PCDHGA5: variants seen among roughly 807,000 people sequenced by gnomAD.
PCDHGA5 encodes the protein protocadherin gamma subfamily A, 5.
PCDHGA5 carries 36 observed loss-of-function variants against 56.7 expected under a neutral mutation model. The observed-to-expected ratio is 0.64, with a 90% CI of 0.49 to 0.84. The LOEUF is 0.84. PCDHGA5 is among the 40% of genes least tolerant of loss of function. PCDHGA5 has a pLI of 0.00. For synonymous variants in PCDHGA5, 563 were observed against 520.2 expected (o/e 1.08, Z -1.12); for missense variants, 1,305 against 1,201.5 (o/e 1.09, Z -1.27).
At chr5:141,466,450 G>T (rs139024933) in intron 1 of PCDHGA5, among the ~76,000 whole-genome samples, 1 of 152,172 alleles carries the variant, frequency 6.6e-6, no homozygotes, top group Non-Finnish European at 1.5e-5. Context: ...TGTCTATGGT[G>T]TTGGCTATTG....
At position 141,408,680 on chromosome 5, in the gene PCDHGA5, C is replaced by G. The variant is rs774572788; in HGVS notation, c.2421+41929C>G. 1.5e-4 allele frequency: 245 copies of G among 1,613,812 alleles called. No homozygotes were observed. Among genetic ancestry groups the G allele is most frequent in the Non-Finnish European group, 1.9e-4 (222 of 1,179,872 alleles). On this transcript the variant is annotated intron_variant, in intron 1 of 3. Coordinates refer to ENST00000518069, the MANE Select transcript of PCDHGA5 (RefSeq NM_018918.3). ...ACTATCGCTTGACCCTGCCACGGAT[C>G]CTGATATAAACATAAACTCAATTAA...
rs751318430 is a variant in PCDHGA5 at position 141,485,603 on chromosome 5, G to A, written c.2422-9204G>A. 1 of 1,612,482 alleles carries A rather than the reference G, an allele frequency of 6.2e-7. No homozygotes were observed. The stretch of plus-strand genomic sequence containing the variant: ...GCAGCAGCTGGACTTGGAAATTGGG[G>A]AGGCAGCTCCTCCAGGACAGCGTTT... On this transcript the variant is annotated intron_variant, in intron 1 of 3. Coordinates refer to ENST00000518069, the MANE Select transcript of PCDHGA5 (RefSeq NM_018918.3). This position sits in a 1 kb window ranked among gnomAD's most constrained non-coding sequence, Gnocchi z 5.7.
chr5:141,489,636 C>A lies in PCDHGA5; in HGVS notation c.2422-5171C>A, dbSNP rs753380268. 3.8e-5 allele frequency: 62 copies of A among 1,614,074 alleles called. No individual in the cohort carries two copies. The highest frequency in any genetic ancestry group is 5.1e-5 in the Non-Finnish European group (60 of 1,180,038). ...TGGATCTCAATGACAACTCTCCTAG[C>A]TTTGCCACCCCTGAGCGAGAGATGC... is the stretch of plus-strand genomic sequence containing the variant. On this transcript the variant is annotated intron_variant, in intron 1 of 3. Coordinates refer to ENST00000518069, the MANE Select transcript of PCDHGA5 (RefSeq NM_018918.3). The surrounding 1 kb of genome is among the most constrained non-coding windows in gnomAD (Gnocchi z 4.5).
chr5:141,501,290 T>TACACACAC (rs55762287), intron 2 of PCDHGA5, among the ~76,000 whole-genome samples: 94 of 136,244 alleles, frequency 6.9e-4, no homozygotes, highest in Admixed American at 2.2e-3. Context: ...TATTCCCTTA[T>TACACACAC]ACACACACAC....
At chr5:141,371,417 T>C in intron 1 of PCDHGA5, 3 of 1,613,948 alleles carry the variant, frequency 1.9e-6, no homozygotes, top group Middle Eastern at 1.6e-4. Context: ...CAGATGAAAA[T>C]GACAATGCCC....
At chr5:141,399,479 C>G (rs774561101) in intron 1 of PCDHGA5, 2 of 1,614,032 alleles carry the variant, frequency 1.2e-6, no homozygotes, top group East Asian at 4.5e-5. Context: ...TTCCACCAGG[C>G]GTCCTACTTA....
intron 1 of PCDHGA5, among the ~76,000 whole-genome samples, chr5:141,474,029 C>T (rs1047673843): frequency 6.6e-6 from 1 of 152,092 alleles, no homozygotes; most frequent in Non-Finnish European, 1.5e-5. Context: ...ATGATTATTC[C>T]ACTGTACTCC....
rs771759945 is a variant in PCDHGA5, at chr5:141,405,371, G to A, written c.2421+38620G>A. 49 of 1,598,874 alleles carry A rather than the reference G, an allele frequency of 3.1e-5. No individual in the cohort carries two copies. The highest frequency in any genetic ancestry group is 3.7e-5 in the Non-Finnish European group (43 of 1,176,096). ...GTTTCCTATAGAAGACACCCCTTTG[G>A]TTCCGGTGAGTTCATTTTTTTTCTT... On this transcript the variant is annotated intron_variant, in intron 1 of 3. Transcript: ENST00000518069.
chr5:141,413,441 T>C (rs760538286), intron 1 of PCDHGA5: 1 of 1,614,056 alleles, frequency 6.2e-7, no homozygotes, highest in Non-Finnish European at 8.5e-7. Flanking sequence ...GGCAGCTTGA[T>C]CACCGCGGGC....
intron 1 of PCDHGA5, among the ~76,000 whole-genome samples, chr5:141,458,338 G>A (rs1160200932): frequency 2.6e-5 from 4 of 152,134 alleles, no homozygotes; most frequent in African/African-American, 9.7e-5. Context: ...GTTTTAAGGA[G>A]TGGAGAGTTT....
intron 2 of PCDHGA5, among the ~76,000 whole-genome samples, chr5:141,497,478 C>T (rs974494984): frequency 6.0e-5 from 9 of 150,954 alleles, no homozygotes; most frequent in South Asian, 4.2e-4. Context: ...GGAGAAGGTG[C>T]GGAACCTCTC....
chr5:141,365,663 G>C lies in PCDHGA5; in HGVS notation c.1333G>C (p.Val445Leu), dbSNP rs117201633. The stretch of plus-strand genomic sequence containing the variant: ...CCACATCCCCTTGAAAGTAGCAGAC[G>C]TTAATGACAACCCACCCAATTTCCC... ...ESHIPLKVADVNDNPPNFPQA... is the reference protein window; with the variant it reads ...ESHIPLKVADLNDNPPNFPQA... The change falls in exon 1 of 4, where the codon GTT becomes CTT. Residue 445 changes from valine (V) to leucine (L), a missense_variant. By Grantham distance (32) the Val-to-Leu change is conservative. Transcript: ENST00000518069. 4.9e-5 allele frequency: 79 copies of C among 1,613,390 alleles called. No individual in the cohort carries two copies. The East Asian group carries it at 1.3e-3, about 26-fold the overall frequency.
chr5:141,390,867 C>CGTGTGTGT (rs61319619), intron 1 of PCDHGA5: 11 of 151,144 alleles, frequency 7.3e-5, no homozygotes, highest in African/African-American at 2.7e-4. Flanking sequence ...GCTGTGTGTG[C>CGTGTGTGT]GTGTGTGTGT....
At chr5:141,443,199 G>C (rs936013020) in intron 1 of PCDHGA5, among the ~76,000 whole-genome samples, 1 of 152,002 alleles carries the variant, frequency 6.6e-6, no homozygotes. Context: ...ATAGTACAAA[G>C]AGCTTGTCTC....
In PCDHGA5 at chr5:141,477,875, G is replaced by A. The variant is rs760433987; in HGVS notation, c.2422-16932G>A. Reference sequence around the variant, plus strand: ...GATGCTGCCTCGAGGTACCTCAGCTGGCCACCTAGTGTCACGGGTGGTAGG... The same window carrying A: ...GATGCTGCCTCGAGGTACCTCAGCTAGCCACCTAGTGTCACGGGTGGTAGG... On this transcript the variant is annotated intron_variant, in intron 1 of 3. Coordinates refer to ENST00000518069, the MANE Select transcript of PCDHGA5 (RefSeq NM_018918.3). The surrounding 1 kb of genome is among the most constrained non-coding windows in gnomAD (Gnocchi z 4.9). 1 of 1,614,162 alleles carries A rather than the reference G, an allele frequency of 6.2e-7. No homozygotes were observed. Among genetic ancestry groups the A allele is most frequent in the Non-Finnish European group, 8.5e-7 (1 of 1,180,028 alleles).
intron 1 of PCDHGA5, chr5:141,392,932 A>T (rs1334314898): frequency 6.2e-7 from 1 of 1,613,830 alleles, no homozygotes; most frequent in African/African-American, 1.3e-5. Flanking sequence ...GAAGAGACGG[A>T]CAAAGGCTCC....
At chr5:141,393,147 G>A in intron 1 of PCDHGA5, 2 of 1,613,298 alleles carry the variant, frequency 1.2e-6, no homozygotes, top group Non-Finnish European at 1.7e-6. Flanking sequence ...CCTGGTTGAG[G>A]ATAAAGGAAA....
intron 1 of PCDHGA5, chr5:141,410,127 T>A (rs761667108): frequency 3.7e-6 from 6 of 1,612,926 alleles, no homozygotes; most frequent in Non-Finnish European, 5.1e-6. Context: ...CGCCAGCGCC[T>A]GCTGGTCGCT....
At chr5:141,394,657 G>A (rs1179529074) in intron 1 of PCDHGA5, 2 of 1,613,220 alleles carry the variant, frequency 1.2e-6, no homozygotes, top group East Asian at 2.2e-5. Flanking sequence ...AGCGAGCCGG[G>A]ACTCTTCTCG....
Sources: allele counts gnomAD v4.1 joint callset (sites outside exome capture counted in the v4.1 genomes callset), GRCh38; gene constraint gnomAD v4.1.1; non-coding constraint Gnocchi (gnomAD v3.1); transcripts MANE v1.5; gene names NCBI Gene and HGNC (gene_info 2026-07-23, HGNC 2026-07-21).